The following PDE4D variants were observed in gnomAD, a reference collection of about 807,000 sequenced individuals.
The protein encoded by PDE4D is phosphodiesterase 4D, also known as 3',5'-cyclic-AMP phosphodiesterase 4D.
Under a neutral mutation model 87.4 loss-of-function variants are expected in PDE4D, and 24 were observed. The observed-to-expected ratio is 0.27, with a 90% CI of 0.20 to 0.39. PDE4D has a LOEUF of 0.39. Among genes scored for constraint, PDE4D ranks in the 10% least tolerant of loss-of-function variants. PDE4D has a pLI of 1.00. For missense variants in PDE4D, 714 were observed against 1,041.0 expected (o/e 0.69, Z 4.32); for synonymous variants, 384 against 383.2 (o/e 1.00, Z -0.02).
intron 1 of PDE4D, among the ~76,000 whole-genome samples, chr5:59,331,036 C>G (rs558165530): frequency 5.9e-5 from 9 of 152,266 alleles, no homozygotes; most frequent in African/African-American, 1.7e-4. Flanking sequence ...TTATCACTGA[C>G]CCTCTGTCTC....
intron 1 of PDE4D, among the ~76,000 whole-genome samples, chr5:60,257,472 T>C (rs1311227363): frequency 6.6e-6 from 1 of 151,990 alleles, no homozygotes; most frequent in Non-Finnish European, 1.5e-5. Flanking sequence ...AATAAAACTA[T>C]CTGCATGCTT....
intron 5 of PDE4D, among the ~76,000 whole-genome samples, chr5:59,082,858 C>A (rs1767019437): frequency 6.6e-6 from 1 of 152,064 alleles, no homozygotes; most frequent in Non-Finnish European, 1.5e-5. Flanking sequence ...TTTCCTGGAA[C>A]CTTCTGATGA....
At chr5:59,902,866 C>T (rs1296577236) in intron 3 of PDE4D, among the ~76,000 whole-genome samples, 1 of 152,164 alleles carries the variant, frequency 6.6e-6, no homozygotes, top group Admixed American at 6.5e-5. Context: ...ACTGTTGTAG[C>T]ACAAAATTTG....
chr5:59,401,443 A>ACTGTCTATCTAT (rs1554161162), intron 1 of PDE4D, among the ~76,000 whole-genome samples: 2 of 127,468 alleles, frequency 1.6e-5, no homozygotes, highest in Non-Finnish European at 3.4e-5. Flanking sequence ...TATATTAGAG[A>ACTGTCTATCTAT]CTATCTATCT....
intron 1 of PDE4D, among the ~76,000 whole-genome samples, chr5:59,432,295 T>C (rs1796221598): frequency 6.6e-6 from 1 of 152,080 alleles, no homozygotes; most frequent in African/African-American, 2.4e-5. Context: ...GAAAAAATTA[T>C]TTTTGTGAAT....
intron 2 of PDE4D, among the ~76,000 whole-genome samples, chr5:60,104,312 G>T (rs912652858): frequency 6.6e-6 from 1 of 152,212 alleles, no homozygotes; most frequent in Admixed American, 6.5e-5. Context: ...TGGGGGAGAG[G>T]CGCCCACCAT....
chr5:59,005,506 C>T (rs1751420592), intron 6 of PDE4D, among the ~76,000 whole-genome samples: 1 of 152,148 alleles, frequency 6.6e-6, no homozygotes, highest in Non-Finnish European at 1.5e-5. Flanking sequence ...ACTAGAATCT[C>T]CTTCCTATTG....
chr5:59,592,483 T>G (rs1040714408), intron 1 of PDE4D, among the ~76,000 whole-genome samples: 3 of 152,098 alleles, frequency 2.0e-5, no homozygotes, highest in Non-Finnish European at 4.4e-5. Context: ...AAACACCTAG[T>G]TTCATCACCT....
At chr5:60,264,051 A>T (rs949708386) in intron 1 of PDE4D, among the ~76,000 whole-genome samples, 9 of 152,094 alleles carry the variant, frequency 5.9e-5, no homozygotes, top group African/African-American at 2.2e-4. Context: ...AAAAGGAGAC[A>T]AAAAGATAAA....
intron 1 of PDE4D, among the ~76,000 whole-genome samples, chr5:60,472,666 G>A (rs1747900758): frequency 6.6e-6 from 1 of 152,144 alleles, no homozygotes; most frequent in East Asian, 1.9e-4. Flanking sequence ...TTCCACTCAA[G>A]CCTATTTCAT....
chr5:59,582,213 G>GC (rs1198018394), intron 1 of PDE4D, among the ~76,000 whole-genome samples: 1 of 152,168 alleles, frequency 6.6e-6, no homozygotes, highest in African/African-American at 2.4e-5. Context: ...ACTAAAAGGA[G>GC]CAAAGCTCCA....
chr5:59,782,488 T>C (rs1188009644), intron 1 of PDE4D, among the ~76,000 whole-genome samples: 1 of 152,212 alleles, frequency 6.6e-6, no homozygotes, highest in African/African-American at 2.4e-5. Context: ...ATATTACTTT[T>C]ATATGGAACC....
intron 1 of PDE4D, among the ~76,000 whole-genome samples, chr5:59,334,215 G>A (rs1364343686): frequency 6.7e-6 from 1 of 149,352 alleles, no homozygotes; most frequent in Non-Finnish European, 1.5e-5. Context: ...AAGAAATTAG[G>A]GGAAAAAAGT....
chr5:59,206,488 C>T (rs1748826610), intron 2 of PDE4D, among the ~76,000 whole-genome samples: 1 of 151,986 alleles, frequency 6.6e-6, no homozygotes, highest in South Asian at 2.1e-4. Flanking sequence ...ACATTGAGAA[C>T]AATTCATTAA....
At position 59,544,433 on chromosome 5, in the gene PDE4D, C is replaced by A. The variant is rs1506560; in HGVS notation, c.456-328465G>T. ...CTATTCTGACATGGATTTCAGAGGACTCAGGGGACAACGTGCCCAGAATTT... is the reference window on the plus strand; with the variant it reads ...CTATTCTGACATGGATTTCAGAGGAATCAGGGGACAACGTGCCCAGAATTT... On this transcript the variant is annotated intron_variant, in intron 1 of 14. Transcript: ENST00000340635. Among the ~76,000 whole-genome samples the A allele has an allele frequency of 4.3e-3, 655 of 152,262 alleles. 9 individuals carry two copies. The highest frequency in any genetic ancestry group is 0.015 in the African/African-American group (617 of 41,572).
At chr5:60,300,296 T>C (rs1204039341) in intron 1 of PDE4D, among the ~76,000 whole-genome samples, 1 of 152,236 alleles carries the variant, frequency 6.6e-6, no homozygotes, top group African/African-American at 2.4e-5. Context: ...CTCTGGATAC[T>C]AGACTTTTGT....
chr5:59,608,387 A>G (rs114307601), intron 1 of PDE4D, among the ~76,000 whole-genome samples: 470 of 152,284 alleles, frequency 3.1e-3, no homozygotes, highest in African/African-American at 0.011. Context: ...GTCTGCTAAC[A>G]TTTCAAGTAT....
chr5:59,745,658 C>A lies in PDE4D; in HGVS notation c.455+147510G>T, dbSNP rs534957124. On this transcript the variant is annotated intron_variant, in intron 1 of 14. Coordinates refer to ENST00000340635, the MANE Select transcript of PDE4D (RefSeq NM_001104631.2). ...CATAAAATACGCACCAGGAGCATTT[C>A]TTGAGGAGAAGCCAACCAATCAATC... Among the ~76,000 whole-genome samples the A allele has an allele frequency of 1.3e-4, 20 of 152,214 alleles. No individual in the cohort carries two copies. The South Asian group carries it at 3.5e-3, about 27-fold the overall frequency.
chr5:59,460,130 A>G (rs755681749), intron 1 of PDE4D, among the ~76,000 whole-genome samples: 1 of 152,156 alleles, frequency 6.6e-6, no homozygotes, highest in Non-Finnish European at 1.5e-5. Context: ...TAGTATATAT[A>G]CCATATATGC....
Sources: allele counts gnomAD v4.1 joint callset (sites outside exome capture counted in the v4.1 genomes callset), GRCh38; gene constraint gnomAD v4.1.1; transcripts MANE v1.5; gene names NCBI Gene and HGNC (gene_info 2026-07-23, HGNC 2026-07-21).